Variants in VPS13A observed in about 807,000 individuals in gnomAD.
VPS13A encodes intermembrane lipid transfer protein VPS13A.
VPS13A carries 264 observed loss-of-function variants against 390.9 expected under a neutral mutation model. That is an observed-to-expected ratio of 0.68 (90% CI 0.61 to 0.75). VPS13A has a LOEUF of 0.75. Among genes scored for constraint, VPS13A ranks in the 30% least tolerant of loss-of-function variants. VPS13A has a pLI of 0.00. For missense variants in VPS13A, 3,409 were observed against 3,733.9 expected, an observed-to-expected ratio of 0.91 and a Z score of 2.27; for synonymous variants, 1,231 against 1,227.1, an observed-to-expected ratio of 1.00 and a Z score of -0.07.
chr9:77,320,199 T>G (rs1829659486), intron 42 of VPS13A, among the ~76,000 whole-genome samples: 1 of 152,142 alleles, frequency 6.6e-6, no homozygotes, highest in Non-Finnish European at 1.5e-5. Context: ...CCAGGGAGGT[T>G]AAGAGACTTC....
chr9:77,341,235 G>A (rs936106891), intron 50 of VPS13A, among the ~76,000 whole-genome samples: 5 of 151,938 alleles, frequency 3.3e-5, no homozygotes, highest in Non-Finnish European at 5.9e-5. Flanking sequence ...GACAATGATC[G>A]GGATATAAAC....
At chr9:77,388,180 A>G (rs1257223579) in intron 68 of VPS13A, among the ~76,000 whole-genome samples, 2 of 152,206 alleles carry the variant, frequency 1.3e-5, no homozygotes, top group African/African-American at 4.8e-5. Flanking sequence ...TGAAAATGTC[A>G]ATTTATTCCA....
intron 17 of VPS13A, among the ~76,000 whole-genome samples, chr9:77,236,798 A>G (rs1824173993): frequency 6.6e-6 from 1 of 152,216 alleles, no homozygotes; most frequent in African/African-American, 2.4e-5. Flanking sequence ...CTGCGCCCAT[A>G]TTAATGTAGA....
rs866891707 is a variant in VPS13A at position 77,413,650 on chromosome 9, T to C, written c.9475-2306T>C. On this transcript the variant is annotated intron_variant, in intron 71 of 71. Transcript: ENST00000360280. The stretch of plus-strand genomic sequence containing the variant: ...AACCATAAAAACCCTAGAAGAAAAC[T>C]TAGGCAATACCATTCAGGACATAGG... Among the ~76,000 whole-genome samples the C allele has an allele frequency of 5.5e-3, 832 of 152,150 alleles. 6 individuals are homozygous for C. Among genetic ancestry groups the C allele is most frequent in the African/African-American group, 0.019 (804 of 41,516 alleles).
intron 3 of VPS13A, among the ~76,000 whole-genome samples, chr9:77,202,228 G>A (rs1157713202): frequency 2.0e-5 from 3 of 152,070 alleles, no homozygotes; most frequent in African/African-American, 7.2e-5. Context: ...ATCATCATAT[G>A]TTACTGACAG....
chr9:77,403,597 A>G (rs951155588), intron 69 of VPS13A, among the ~76,000 whole-genome samples: 1 of 152,206 alleles, frequency 6.6e-6, no homozygotes, highest in Non-Finnish European at 1.5e-5. Context: ...TATCCTCTTA[A>G]AAGTAAGCTT....
chr9:77,376,322 A>ATGCC (rs1833075803), intron 67 of VPS13A, among the ~76,000 whole-genome samples: 1 of 152,172 alleles, frequency 6.6e-6, no homozygotes, highest in East Asian at 1.9e-4. Context: ...TTTGCTTAAG[A>ATGCC]TGAGAGGCCA....
intron 45 of VPS13A, among the ~76,000 whole-genome samples, chr9:77,328,815 T>G (rs960004791): frequency 2.6e-5 from 4 of 152,200 alleles, no homozygotes; most frequent in African/African-American, 9.7e-5. Context: ...TATCCTGTAT[T>G]AGGCCGTTTT....
In VPS13A at chr9:77,291,378, C is replaced by CA. The variant is rs1258354842; in HGVS notation, c.3340-1962dup. Among the ~76,000 whole-genome samples, 100 of 152,240 alleles carry CA rather than the reference C, an allele frequency of 6.6e-4. 2 individuals are homozygous for CA. The highest frequency in any genetic ancestry group is 5.9e-3 in the Admixed American group (90 of 15,288). ...CCCTGTTACCAAAAAGGCTGGGGAC[C>CA]ACAGATGCATAGCATAATAGAGACT... On this transcript the variant is annotated intron_variant, in intron 31 of 71. Transcript: ENST00000360280.
At chr9:77,358,582 C>T (rs1831948554) in intron 57 of VPS13A, 144 bp downstream of exon 57, 2 of 702,336 alleles carry the variant, frequency 2.8e-6, no homozygotes, top group Non-Finnish European at 5.0e-6. Flanking sequence ...AAAGGACCAG[C>T]AAGTACTATA....
intron 71 of VPS13A, among the ~76,000 whole-genome samples, chr9:77,411,367 C>CAATT (rs1011120238): frequency 1.3e-5 from 2 of 152,138 alleles, no homozygotes; most frequent in East Asian, 3.9e-4. Context: ...CCTAACATCA[C>CAATT]AATTAAAAGA....
At position 77,339,493 on chromosome 9, in the gene VPS13A, TG is replaced by T. The variant is rs373972850; in HGVS notation, c.6379-22del. 0.047 allele frequency: 58,504 copies of T among 1,232,602 alleles called. 676 individuals are homozygous for T. The highest frequency in any genetic ancestry group is 0.053 in the South Asian group (3,348 of 62,628). 76.4% of individuals were successfully genotyped at this position (1,232,602 alleles called of 1,614,324 possible). A position where few individuals can be genotyped will look rare whatever the true frequency, so the allele number is the denominator to read the frequency against. On this transcript the variant is annotated intron_variant, in intron 47 of 71. Transcript: ENST00000360280. ...TTCTGCAACATTTTAAATTTTGTTT[TG>T]TTTTTTTTTTTTTTATTACAGGGAA... is the stretch of plus-strand genomic sequence containing the variant.
chr9:77,409,371 A>G (rs953665519), intron 71 of VPS13A, among the ~76,000 whole-genome samples: 2 of 152,240 alleles, frequency 1.3e-5, no homozygotes, highest in Non-Finnish European at 2.9e-5. Flanking sequence ...GAAAATCTGG[A>G]AACTCTAAAA....
rs1830722833 is a variant in VPS13A at position 77,339,870 on chromosome 9, CTCTTT to C, written c.6741_6745del (p.Phe2248AlafsTer6). ...TCCACCTAATTATAAAAAGCCAGTTCTCTTTTCTTTTCAGCCAAATCACTTTTTTA... is the reference window on the plus strand; with the variant it reads ...TCCACCTAATTATAAAAAGCCAGTTCTCTTTTCAGCCAAATCACTTTTTTA... On this transcript the variant is annotated frameshift_variant, in exon 48 of 72. Coordinates refer to ENST00000360280, the MANE Select transcript of VPS13A (RefSeq NM_033305.3). LOFTEE classifies it high-confidence loss of function. The C allele has an allele frequency of 6.2e-7, 1 of 1,613,064 alleles. No individual in the cohort carries two copies. The highest frequency in any genetic ancestry group is 8.5e-7 in the Non-Finnish European group (1 of 1,179,916).
At chr9:77,343,103 A>G (rs894610871) in intron 50 of VPS13A, among the ~76,000 whole-genome samples, 1 of 152,072 alleles carries the variant, frequency 6.6e-6, no homozygotes, top group African/African-American at 2.4e-5. Flanking sequence ...CTTTCCCCCG[A>G]TAAAGAGGTC....
At chr9:77,237,044 C>G (rs1824187804) in intron 17 of VPS13A, among the ~76,000 whole-genome samples, 1 of 152,090 alleles carries the variant, frequency 6.6e-6, no homozygotes, top group Non-Finnish European at 1.5e-5. Flanking sequence ...CATGTACCAC[C>G]ACACCCAGCT....
chr9:77,415,382 T>C (rs1348807616), intron 71 of VPS13A, among the ~76,000 whole-genome samples: 1 of 152,218 alleles, frequency 6.6e-6, no homozygotes, highest in East Asian at 1.9e-4. Context: ...CTGTGAAATC[T>C]TTATATATTA....
intron 54 of VPS13A, among the ~76,000 whole-genome samples, chr9:77,354,315 C>A (rs1831638203): frequency 6.6e-6 from 1 of 151,632 alleles, no homozygotes; most frequent in Non-Finnish European, 1.5e-5. Context: ...TATACGTGTC[C>A]CTGACCTCTT....
At chr9:77,210,160 CCT>C (rs150244384) in intron 6 of VPS13A, among the ~76,000 whole-genome samples, 60 of 107,402 alleles carry the variant, frequency 5.6e-4, no homozygotes, top group Admixed American at 1.1e-3. Flanking sequence ...CCCCCACCTC[CCT>C]CTCTCTCTCT....
Sources: allele counts gnomAD v4.1 joint callset (sites outside exome capture counted in the v4.1 genomes callset), GRCh38; gene constraint gnomAD v4.1.1; transcripts MANE v1.5; gene names NCBI Gene and HGNC (gene_info 2026-07-23, HGNC 2026-07-21).